ANO4: variants seen among roughly 807,000 people sequenced by gnomAD.
The protein encoded by ANO4 is anoctamin 4.
A neutral mutation model predicts 141.9 loss-of-function variants in ANO4; 69 were observed. That is an observed-to-expected ratio of 0.49 (90% CI 0.40 to 0.59). ANO4 has a LOEUF of 0.59. Ranked by LOEUF, ANO4 falls within the 20% of genes least tolerant of loss-of-function variation. The probability of loss-of-function intolerance (pLI) is 0.00; values close to 1 mark genes in which losing one functional copy is unlikely to be tolerated. For missense variants in ANO4, 894 were observed against 1,162.2 expected, an observed-to-expected ratio of 0.77 and a Z score of 3.36; for synonymous variants, 350 against 394.3, an observed-to-expected ratio of 0.89 and a Z score of 1.33.
At chr12:100,833,851 G>C (rs1013235067) in intron 1 of ANO4, among the ~76,000 whole-genome samples, 2 of 152,090 alleles carry the variant, frequency 1.3e-5, no homozygotes, top group Non-Finnish European at 2.9e-5. Context: ...GACCCCATGG[G>C]ACTTGCATTC....
At chr12:100,936,083 C>G (rs1316943882) in intron 3 of ANO4, among the ~76,000 whole-genome samples, 1 of 152,136 alleles carries the variant, frequency 6.6e-6, no homozygotes, top group Non-Finnish European at 1.5e-5. Flanking sequence ...GGCTTAGTAT[C>G]ACCTATTGTC....
chr12:100,860,209 T>G (rs990867708), intron 1 of ANO4, among the ~76,000 whole-genome samples: 2 of 152,220 alleles, frequency 1.3e-5, no homozygotes, highest in African/African-American at 4.8e-5. Context: ...TGAGCTTGCA[T>G]CGTGACCACC....
At chr12:100,793,217 C>A (rs972799810), upstream of ANO4, among the ~76,000 whole-genome samples, 1 of 152,212 alleles carries the variant, frequency 6.6e-6, no homozygotes, top group African/African-American at 2.4e-5. Context: ...TTGAGTTGAA[C>A]TGAGGAGAAT....
chr12:100,721,852 AT>A (rs377385548), intron 1 of ANO4, among the ~76,000 whole-genome samples: 3,127 of 133,432 alleles, frequency 0.023, 74 homozygotes, highest in African/African-American at 0.067. Context: ...CTAACTTTTA[AT>A]TTTTTTTTTT....
At chr12:101,065,526 T>G (rs561259173) in intron 14 of ANO4, among the ~76,000 whole-genome samples, 1 of 152,248 alleles carries the variant, frequency 6.6e-6, no homozygotes, top group South Asian at 2.1e-4. Context: ...ATGCACAAAT[T>G]CTTAGACTCA....
chr12:100,723,877 G>A (rs770301956), intron 1 of ANO4, among the ~76,000 whole-genome samples: 2 of 152,116 alleles, frequency 1.3e-5, no homozygotes, highest in Non-Finnish European at 2.9e-5. Context: ...TAACAATGTG[G>A]ATTTTTCTAC....
chr12:101,018,034 A>G (rs746865915), intron 8 of ANO4, among the ~76,000 whole-genome samples: 6 of 152,232 alleles, frequency 3.9e-5, no homozygotes, highest in Non-Finnish European at 8.8e-5. Flanking sequence ...TTAATGGAGG[A>G]GGGACATGGG....
At chr12:101,064,345 A>G (rs2048482387) in intron 14 of ANO4, among the ~76,000 whole-genome samples, 1 of 152,234 alleles carries the variant, frequency 6.6e-6, no homozygotes, top group East Asian at 1.9e-4. Flanking sequence ...GTTAGTTTCT[A>G]ACTTCATTCA....
At chr12:101,003,867 TA>T (rs1390611198) in intron 8 of ANO4, among the ~76,000 whole-genome samples, 1 of 152,134 alleles carries the variant, frequency 6.6e-6, no homozygotes, top group Non-Finnish European at 1.5e-5. Context: ...CCATGCAAGT[TA>T]ACAAAGACCT....
chr12:100,726,388 C>T (rs2031121087), intron 1 of ANO4, among the ~76,000 whole-genome samples: 1 of 152,224 alleles, frequency 6.6e-6, no homozygotes, highest in East Asian at 1.9e-4. Flanking sequence ...TTGTGTTTCT[C>T]CCTTCCTGAT....
intron 3 of ANO4, among the ~76,000 whole-genome samples, chr12:100,756,455 T>C (rs2032616439): frequency 6.6e-6 from 1 of 152,182 alleles, no homozygotes; most frequent in South Asian, 2.1e-4. Flanking sequence ...ATTCAAGTGA[T>C]TCTCCTGCCT....
At chr12:100,829,139 G>A (rs1265795011) in intron 1 of ANO4, among the ~76,000 whole-genome samples, 1 of 152,030 alleles carries the variant, frequency 6.6e-6, no homozygotes, top group Admixed American at 6.6e-5. Flanking sequence ...AAATAAATTA[G>A]TAGAGGGAAA....
In ANO4 at chr12:101,110,463, G is replaced by A. The variant is rs1422263288; in HGVS notation, c.2209G>A (p.Ala737Thr). Residue 737 changes from alanine to threonine, a missense_variant, in exon 23 of 28, where the codon GCC (alanine) becomes ACC (threonine). Ala to Thr is a moderately conservative substitution (Grantham distance 58). This residue lies in a region of ANO4 where 637 missense variants were observed against 909.2 expected (regional missense o/e 0.70). Coordinates refer to ENST00000392977, the MANE Select transcript of ANO4 (RefSeq NM_001286615.2). The part of the protein sequence containing the change: ...VAAFPLAPLL[A>T]LLNNIIEIRL... The stretch of plus-strand genomic sequence containing the variant: ...AGCTTTTCCCCTAGCACCACTTCTG[G>A]CCTTACTGAATAACATAATTGAAAT... The A allele has an allele frequency of 6.2e-7, 1 of 1,612,210 alleles. No individual in the cohort carries two copies. The highest frequency in any genetic ancestry group is 8.5e-7 in the Non-Finnish European group (1 of 1,179,152).
chr12:100,956,091 T>C (rs189714351), intron 5 of ANO4, among the ~76,000 whole-genome samples: 36 of 152,246 alleles, frequency 2.4e-4, no homozygotes, highest in African/African-American at 8.7e-4. Flanking sequence ...GCTAGAAAGA[T>C]GTGCATTTTA....
intron 22 of ANO4, among the ~76,000 whole-genome samples, chr12:101,101,678 T>G (rs2050192620): frequency 6.7e-6 from 1 of 150,030 alleles, no homozygotes; most frequent in African/African-American, 2.5e-5. Context: ...CTGCCAAGCT[T>G]GAGTCAGGAA....
chr12:101,098,803 A>G (rs2050082953), intron 21 of ANO4, among the ~76,000 whole-genome samples: 1 of 152,214 alleles, frequency 6.6e-6, no homozygotes, highest in Non-Finnish European at 1.5e-5. Flanking sequence ...AAGGACATAG[A>G]GCAAAATTGT....
chr12:100,876,839 T>G (rs1192409829), intron 1 of ANO4, among the ~76,000 whole-genome samples: 2 of 152,264 alleles, frequency 1.3e-5, no homozygotes, highest in African/African-American at 2.4e-5. Context: ...AGTACCATAC[T>G]ATTTTGATTA....
chr12:100,984,120 G>A (rs546505816), intron 7 of ANO4, among the ~76,000 whole-genome samples: 33 of 152,078 alleles, frequency 2.2e-4, no homozygotes, highest in Non-Finnish European at 3.7e-4. Context: ...TTTATGACAC[G>A]GAGTCTTACT....
intron 1 of ANO4, among the ~76,000 whole-genome samples, chr12:100,884,071 A>G (rs1364383731): frequency 6.6e-6 from 1 of 152,220 alleles, no homozygotes; most frequent in Non-Finnish European, 1.5e-5. Flanking sequence ...GGTTCTATGA[A>G]TTAATCATTG....
Sources: allele counts gnomAD v4.1 joint callset (sites outside exome capture counted in the v4.1 genomes callset), GRCh38; gene constraint gnomAD v4.1.1; regional missense constraint gnomAD v4.1.1; transcripts MANE v1.5; gene names NCBI Gene and HGNC (gene_info 2026-07-23, HGNC 2026-07-21).